The following BMPR1B variants were observed in gnomAD, a reference collection of about 807,000 sequenced individuals.
The protein encoded by BMPR1B is bone morphogenetic protein receptor type 1B.
BMPR1B carries 12 observed loss-of-function variants against 59.1 expected under a neutral mutation model. The observed-to-expected ratio is 0.20, with a 90% CI of 0.13 to 0.33. The LOEUF (loss-of-function observed/expected upper bound fraction) is 0.33, where lower values mean the gene tolerates loss of function less well. BMPR1B is among the 10% of genes least tolerant of loss of function. The pLI is 1.00. For missense variants in BMPR1B, 550 were observed against 610.9 expected, an observed-to-expected ratio of 0.90 and a Z score of 1.05; for synonymous variants, 237 against 207.3, an observed-to-expected ratio of 1.14 and a Z score of -1.23.
At position 95,123,902 on chromosome 4, in the gene BMPR1B, T is replaced by C; in HGVS notation, c.442T>C (p.Phe148Leu). The change falls in exon 7 of 13, where the codon TTC becomes CTC. Residue 148 changes from phenylalanine (F) to leucine (L), a missense_variant. By Grantham distance (22) the Phe-to-Leu change is conservative. Around this residue, in one of 6 missense-constraint regions of BMPR1B, gnomAD observed 318 missense variants for 284.6 expected, o/e 1.12. Coordinates refer to ENST00000515059, the MANE Select transcript of BMPR1B (RefSeq NM_001203.3). ...GGTCCTTATCATATTATTTTGTTAC[T>C]TCCGGTAAGTTTCTAACATGTAGAT... ...LLVLIILFCY[F>L]RYKRQETRPR... is the part of the protein sequence containing the mutation. 6.2e-7 allele frequency: 1 copy of C among 1,606,634 alleles called. No individual in the cohort carries two copies. The highest frequency in any genetic ancestry group is 8.5e-7 in the Non-Finnish European group (1 of 1,174,698).
intron 1 of BMPR1B, among the ~76,000 whole-genome samples, chr4:94,866,981 C>A (rs1726272860): frequency 6.6e-6 from 1 of 152,204 alleles, no homozygotes; most frequent in Admixed American, 6.5e-5. Context: ...TTGTTTTAGG[C>A]CCTGGCCTAT....
intron 2 of BMPR1B, among the ~76,000 whole-genome samples, chr4:94,981,007 A>ACGCGCGCG (rs1560578242): frequency 2.8e-4 from 2 of 7,064 alleles, no homozygotes; most frequent in African/African-American, 8.0e-4. Flanking sequence ...ACACACACAC[A>ACGCGCGCG]CACACACACA....
chr4:95,009,269 A>G (rs1418267709), intron 3 of BMPR1B, among the ~76,000 whole-genome samples: 1 of 152,216 alleles, frequency 6.6e-6, no homozygotes, highest in Non-Finnish European at 1.5e-5. Flanking sequence ...CCCTAGGTAT[A>G]TATCCTATAG....
intron 3 of BMPR1B, among the ~76,000 whole-genome samples, chr4:95,070,562 G>A (rs1728204436): frequency 6.6e-6 from 1 of 152,092 alleles, no homozygotes; most frequent in Admixed American, 6.5e-5. Context: ...TAAGATGCTT[G>A]GTAGTCAGTT....
chr4:94,998,080 C>A (rs1722183904), intron 3 of BMPR1B, among the ~76,000 whole-genome samples: 1 of 152,104 alleles, frequency 6.6e-6, no homozygotes, highest in African/African-American at 2.4e-5. Context: ...ATAATGTCTA[C>A]ATTAGGATGT....
chr4:94,973,427 G>C (rs1168523446), intron 2 of BMPR1B, among the ~76,000 whole-genome samples: 1 of 152,204 alleles, frequency 6.6e-6, no homozygotes, highest in Non-Finnish European at 1.5e-5. Context: ...AAGCTGAAAA[G>C]GGCACAGGGC....
chr4:94,983,448 A>G (rs1721222621), intron 2 of BMPR1B, among the ~76,000 whole-genome samples: 1 of 152,198 alleles, frequency 6.6e-6, no homozygotes, highest in Non-Finnish European at 1.5e-5. Flanking sequence ...GATTTTGGTA[A>G]TATTCATAAT....
chr4:95,061,131 CT>C, intron 3 of BMPR1B, among the ~76,000 whole-genome samples: 1 of 150,164 alleles, frequency 6.7e-6, no homozygotes. Flanking sequence ...CCTGTGTTCA[CT>C]CAGGAATTTT....
chr4:94,907,277 A>T (rs1044567984), intron 2 of BMPR1B, among the ~76,000 whole-genome samples: 1 of 152,096 alleles, frequency 6.6e-6, no homozygotes, highest in Non-Finnish European at 1.5e-5. Context: ...TGGCAATGCT[A>T]CTGTTTTAAA....
intron 1 of BMPR1B, among the ~76,000 whole-genome samples, chr4:94,861,216 C>T (rs950810068): frequency 1.3e-5 from 2 of 152,094 alleles, no homozygotes; most frequent in East Asian, 1.9e-4. Flanking sequence ...TTATTTAATC[C>T]CTCTGTGTCT....
At chr4:95,122,629 C>T (rs893943555) in intron 6 of BMPR1B, among the ~76,000 whole-genome samples, 2 of 151,984 alleles carry the variant, frequency 1.3e-5, no homozygotes, top group African/African-American at 2.4e-5. Context: ...TGAAATGATA[C>T]TGTTAGCAGT....
At chr4:94,949,860 T>G (rs992578571) in intron 2 of BMPR1B, among the ~76,000 whole-genome samples, 1 of 152,152 alleles carries the variant, frequency 6.6e-6, no homozygotes, top group Non-Finnish European at 1.5e-5. Flanking sequence ...CTTGAGGAAT[T>G]GCCACATTGT....
intron 1 of BMPR1B, among the ~76,000 whole-genome samples, chr4:94,783,101 T>C (rs1722642343): frequency 6.6e-6 from 1 of 152,196 alleles, no homozygotes; most frequent in African/African-American, 2.4e-5. Flanking sequence ...TGACGGTCTC[T>C]TTCCCTTATA....
At chr4:94,987,796 G>A (rs549202262) in intron 2 of BMPR1B, among the ~76,000 whole-genome samples, 5 of 151,608 alleles carry the variant, frequency 3.3e-5, no homozygotes, top group Middle Eastern at 3.4e-3. Context: ...AAAATTAATA[G>A]CATATTGTTA....
intron 1 of BMPR1B, among the ~76,000 whole-genome samples, chr4:94,834,478 C>G (rs1326311910): frequency 6.6e-6 from 1 of 151,838 alleles, no homozygotes; most frequent in African/African-American, 2.4e-5. Flanking sequence ...CTCCACCTCC[C>G]CTTAATTTTG....
intron 3 of BMPR1B, among the ~76,000 whole-genome samples, chr4:95,001,904 T>G (rs529085970): frequency 6.6e-6 from 1 of 152,322 alleles, no homozygotes; most frequent in Non-Finnish European, 1.5e-5. Flanking sequence ...CCATCCATTC[T>G]TATTAATATT....
chr4:95,136,889 G>T (rs1044043228), intron 10 of BMPR1B, among the ~76,000 whole-genome samples: 3 of 152,140 alleles, frequency 2.0e-5, no homozygotes, highest in South Asian at 4.1e-4. Flanking sequence ...TTTTTGAAGG[G>T]TTTTTTGTGT....
chr4:95,035,586 C>A (rs1725180900), intron 3 of BMPR1B, among the ~76,000 whole-genome samples: 1 of 152,000 alleles, frequency 6.6e-6, no homozygotes, highest in Non-Finnish European at 1.5e-5. Flanking sequence ...GATCAGTTGG[C>A]TTTAAATATT....
At chr4:95,134,420 C>G (rs1387441643) in intron 10 of BMPR1B, among the ~76,000 whole-genome samples, 2 of 152,122 alleles carry the variant, frequency 1.3e-5, no homozygotes, top group Non-Finnish European at 2.9e-5. Context: ...ATTTCTAGTT[C>G]TAGATCCTTG....
Sources: allele counts gnomAD v4.1 joint callset (sites outside exome capture counted in the v4.1 genomes callset), GRCh38; gene constraint gnomAD v4.1.1; regional missense constraint gnomAD v4.1.1; transcripts MANE v1.5; gene names NCBI Gene and HGNC (gene_info 2026-07-23, HGNC 2026-07-21).